Variants in GP6 observed in about 807,000 individuals in gnomAD.
GP6 encodes glycoprotein VI platelet, also known as platelet glycoprotein VI.
A neutral mutation model predicts 37.3 loss-of-function variants in GP6; 45 were observed. The observed-to-expected ratio is 1.21, with a 90% CI of 0.95 to 1.55. The LOEUF is 1.55. GP6 is among the 40% of genes most tolerant of loss of function. The probability of loss-of-function intolerance (pLI) is 0.00; values close to 1 mark genes in which losing one functional copy is unlikely to be tolerated. For synonymous variants in GP6, 340 were observed against 316.4 expected, an observed-to-expected ratio of 1.07 and a Z score of -0.79; for missense variants, 813 against 760.2, an observed-to-expected ratio of 1.07 and a Z score of -0.82.
At chr19:55,037,618 T>C in intron 1 of GP6, among the ~76,000 whole-genome samples, 1 of 120,018 alleles carries the variant, frequency 8.3e-6, no homozygotes, top group African/African-American at 3.2e-5. Context: ...GCCATGGCAC[T>C]CAGCCTTTTT....
At chr19:55,022,157 A>G (rs746611848) in intron 5 of GP6, among the ~76,000 whole-genome samples, 10 of 151,996 alleles carry the variant, frequency 6.6e-5, no homozygotes, top group Non-Finnish European at 1.2e-4. Flanking sequence ...GTTTAGTTAG[A>G]TCCCATTTGT....
At chr19:55,031,108 A>G (rs1305719473) in intron 3 of GP6, among the ~76,000 whole-genome samples, 3 of 152,130 alleles carry the variant, frequency 2.0e-5, no homozygotes, top group Admixed American at 6.6e-5. Context: ...TCAGCCTCCC[A>G]AAGTGCTGGG....
Position 55,014,088 on chromosome 19 carries a change from C to T in GP6, c.1857G>A (p.Leu619=), listed in dbSNP as rs1380320632. The T allele has an allele frequency of 1.5e-6, 1 of 655,348 alleles. No individual in the cohort carries two copies. Among genetic ancestry groups the T allele is most frequent in the South Asian group, 1.5e-5 (1 of 66,324 alleles). 40.6% of individuals were successfully genotyped at this position (655,348 alleles called of 1,614,324 possible). Residue 619 remains leucine, a synonymous_variant, in exon 8 of 8, where the codon CTG becomes CTA. Transcript: ENST00000310373. Reference sequence around the variant, plus strand: ...TGTATACAACGTGCTATGATCAAATCAGGGTAATTGACATATTCATCCCTG... The same window carrying T: ...TGTATACAACGTGCTATGATCAAATTAGGGTAATTGACATATTCATCCCTG...
chr19:55,015,478 C>T (rs979314084), intron 7 of GP6, among the ~76,000 whole-genome samples: 1 of 152,196 alleles, frequency 6.6e-6, no homozygotes, highest in African/African-American at 2.4e-5. Context: ...GATGGAATCT[C>T]TCTTTCTCTG....
intron 5 of GP6, among the ~76,000 whole-genome samples, chr19:55,024,289 T>TGCACACACACAC: frequency 1.1e-4 from 11 of 102,000 alleles, no homozygotes; most frequent in East Asian, 5.1e-4. Context: ...CACACACACA[T>TGCACACACACAC]ATGCACGCAT....
chr19:55,014,588 C>G lies in GP6; in HGVS notation c.1357G>C (p.Gly453Arg), dbSNP rs770284082. The G allele has an allele frequency of 1.2e-6, 2 of 1,613,428 alleles. No homozygotes were observed. Among genetic ancestry groups the G allele is most frequent in the Non-Finnish European group, 1.7e-6 (2 of 1,179,516 alleles). Residue 453 changes from glycine to arginine, a missense_variant, in exon 8 of 8, where the codon GGA becomes CGA. Transcript: ENST00000310373. The stretch of plus-strand genomic sequence containing the variant: ...CTGAGAGCTGGGAACCTTAGAGATC[C>G]GTCTGGAGCCCATATTAGAGAGGTT...
intron 1 of GP6, among the ~76,000 whole-genome samples, chr19:55,035,399 C>T (rs776838127): frequency 6.6e-6 from 1 of 152,162 alleles, no homozygotes; most frequent in African/African-American, 2.4e-5. Flanking sequence ...ATATTGTACA[C>T]TTGCATATCA....
rs1325747018 is a variant in GP6 at position 55,014,461 on chromosome 19, A to G, written c.1484T>C (p.Ile495Thr). The G allele has an allele frequency of 6.2e-7, 1 of 1,613,822 alleles. No homozygotes were observed. Among genetic ancestry groups the G allele is most frequent in the African/African-American group, 1.3e-5 (1 of 75,010 alleles). The change falls in exon 8 of 8, where the codon ATC (isoleucine) becomes ACC (threonine). Residue 495 changes from isoleucine (I) to threonine (T), a missense_variant. Transcript: ENST00000310373. Reference sequence around the variant, plus strand: ...GAGATTTGTTAGACCGCAGTGGGAGATGGAGTGAGGGTGAGAGTTTCTGGG... The same window carrying G: ...GAGATTTGTTAGACCGCAGTGGGAGGTGGAGTGAGGGTGAGAGTTTCTGGG...
Position 55,032,281 on chromosome 19 carries a change from C to T in GP6, c.183G>A (p.Lys61=), listed in dbSNP as rs200403102. The change falls in exon 3 of 8, where the codon AAG becomes AAA. Residue 61 remains lysine (K), a synonymous_variant. Coordinates refer to ENST00000310373, the MANE Select transcript of GP6 (RefSeq NM_001083899.2). ...GATCCTGGTACCTGCTGGAACTCAGCTTCTCCAGGCGGTACAGGTCCACGC... is the reference window on the plus strand; with the variant it reads ...GATCCTGGTACCTGCTGGAACTCAGTTTCTCCAGGCGGTACAGGTCCACGC... The T allele has an allele frequency of 1.6e-5, 26 of 1,614,092 alleles. No individual in the cohort carries two copies. The highest frequency in any genetic ancestry group is 8.3e-5 in the Admixed American group (5 of 60,012).
intron 5 of GP6, among the ~76,000 whole-genome samples, chr19:55,019,572 A>C (rs570176109): frequency 6.6e-6 from 1 of 152,278 alleles, no homozygotes; most frequent in Non-Finnish European, 1.5e-5. Flanking sequence ...CAGTTTGAAT[A>C]ATAAGATGTG....
In GP6 at chr19:55,032,835, C is replaced by A. The variant is rs61658003; in HGVS notation, c.35-297G>T. ...GGGCAAGGCATGGTGGCGTACTGCT[C>A]TCTGTGGACTTGTTCGTGTTAGACA... On this transcript the variant is annotated intron_variant, in intron 1 of 7. Coordinates refer to ENST00000310373, the MANE Select transcript of GP6 (RefSeq NM_001083899.2). 415,129 of 491,896 alleles carry A rather than the reference C, an allele frequency of 0.84. 175,909 individuals are homozygous for A. The highest frequency in any genetic ancestry group is 0.98 in the East Asian group (27,389 of 28,008). 30.5% of individuals were successfully genotyped at this position (491,896 alleles called of 1,614,324 possible).
chr19:55,015,260 T>C, intron 7 of GP6, 95 bp from the exon 8 acceptor site: 21 of 1,542,736 alleles, frequency 1.4e-5, no homozygotes, highest in Non-Finnish European at 1.8e-5. Context: ...CCTATTATTC[T>C]CTACTAGCTA....
Position 55,032,357 on chromosome 19 carries a change from G to A in GP6, c.107C>T (p.Ser36Phe), listed in dbSNP as rs1212299475. 6.2e-7 allele frequency: 1 copy of A among 1,613,886 alleles called. No individual in the cohort carries two copies. The change falls in exon 3 of 8, where the codon TCC becomes TTC. Residue 36 changes from serine to phenylalanine, a missense_variant. Transcript: ENST00000310373. ...CACTGGCTTCTCCAGGGGCACCAGG[G>A]AGCTGGGCAGAGCCTGGAGGGAGGG...
Position 55,014,788 on chromosome 19 carries a change from G to A in GP6, c.1157C>T (p.Ser386Phe), listed in dbSNP as rs868538126. The A allele has an allele frequency of 1.2e-6, 2 of 1,613,866 alleles. No individual in the cohort carries two copies. Reference sequence around the variant, plus strand: ...CGGCTCCCTGATGGAACACCAGGAGGAGGCAGCATGGCCTCGTTTCCACAG... The same window carrying A: ...CGGCTCCCTGATGGAACACCAGGAGAAGGCAGCATGGCCTCGTTTCCACAG... Residue 386 changes from serine to phenylalanine, a missense_variant, in exon 8 of 8, where the codon TCC becomes TTC. Ser to Phe is a radical substitution (Grantham distance 155). Coordinates refer to ENST00000310373, the MANE Select transcript of GP6 (RefSeq NM_001083899.2).
intron 5 of GP6, among the ~76,000 whole-genome samples, chr19:55,020,898 A>C (rs1301355106): frequency 5.3e-5 from 8 of 151,574 alleles, no homozygotes; most frequent in African/African-American, 1.9e-4. Flanking sequence ...GCAAAAATCC[A>C]AAAATTAGCC....
chr19:55,021,050 T>TAA (rs60477411), intron 5 of GP6, among the ~76,000 whole-genome samples: 14,723 of 107,314 alleles, frequency 0.14, 1,216 homozygotes, highest in Non-Finnish European at 0.2. Flanking sequence ...AGACTCTGTT[T>TAA]AAAAAAAAAA....
intron 1 of GP6, among the ~76,000 whole-genome samples, chr19:55,034,933 G>A (rs894233486): frequency 1.3e-5 from 2 of 152,044 alleles, no homozygotes; most frequent in Non-Finnish European, 2.9e-5. Context: ...GGCTCCCTCT[G>A]CACCCCAACG....
intron 6 of GP6, among the ~76,000 whole-genome samples, chr19:55,017,555 G>A (rs1465407180): frequency 1.3e-5 from 2 of 152,140 alleles, no homozygotes; most frequent in Non-Finnish European, 2.9e-5. Flanking sequence ...TGGGTTGGGT[G>A]CAGAGTCAGG....
Position 55,036,343 on chromosome 19 carries a change from C to T in GP6, c.34+1860G>A, listed in dbSNP as rs573495575. Among the ~76,000 whole-genome samples, 3 of 152,152 alleles carry T rather than the reference C, an allele frequency of 2.0e-5. No individual in the cohort carries two copies. In the South Asian group the frequency reaches 6.2e-4, roughly 32 times the overall value. ...ACAGGTGCACTAAAATCTCAGAATT[C>T]ACCAGAATATAATTCATCCATGTAA... is the stretch of plus-strand genomic sequence containing the variant. On this transcript the variant is annotated intron_variant, in intron 1 of 7. Coordinates refer to ENST00000310373, the MANE Select transcript of GP6 (RefSeq NM_001083899.2).
Sources: allele counts gnomAD v4.1 joint callset (sites outside exome capture counted in the v4.1 genomes callset), GRCh38; gene constraint gnomAD v4.1.1; transcripts MANE v1.5; gene names NCBI Gene and HGNC (gene_info 2026-07-23, HGNC 2026-07-21).